OR6N1: variants seen among roughly 807,000 people sequenced by gnomAD.
OR6N1 encodes the protein olfactory receptor family 6 subfamily N member 1.
For synonymous variants in OR6N1, 170 were observed against 150.7 expected, an observed-to-expected ratio of 1.13 and a Z score of -0.94; for missense variants, 394 against 371.7, an observed-to-expected ratio of 1.06 and a Z score of -0.49.
chr1:158,781,582 C>G, the OR6N1 span, among the ~76,000 whole-genome samples: 2 of 152,220 alleles, frequency 1.3e-5, no homozygotes, highest in Admixed American at 6.5e-5. Context: ...CACATGCACT[C>G]TCACATTTCT....
At chr1:158,827,143 C>T in the OR6N1 span, among the ~76,000 whole-genome samples, 1 of 152,110 alleles carries the variant, frequency 6.6e-6, no homozygotes, top group African/African-American at 2.4e-5. Context: ...AAGAGGGATG[C>T]TAGTTAATTC....
Position 158,766,000 on chromosome 1 carries a change from A to G in OR6N1, c.683T>C (p.Ile228Thr). ...CTTCCTCTTGCCGGCAGCTGAGGGAATTCTGAGCACTGTGCAGATGATCTG... is the reference window on the plus strand; with the variant it reads ...CTTCCTCTTGCCGGCAGCTGAGGGAGTTCTGAGCACTGTGCAGATGATCTG... ...YVQIICTVLR[I>T]PSAAGKRKAI... Residue 228 changes from isoleucine to threonine, a missense_variant, in exon 2 of 2, where the codon ATT becomes ACT. By Grantham distance (89) the Ile-to-Thr change is moderately conservative (BLOSUM62 -1). Transcript: ENST00000641846. The G allele has an allele frequency of 6.2e-7, 1 of 1,614,202 alleles. No homozygotes were observed. The highest frequency in any genetic ancestry group is 1.6e-4 in the Middle Eastern group (1 of 6,062).
At chr1:158,837,838 G>A in the OR6N1 span, among the ~76,000 whole-genome samples, 39 of 142,998 alleles carry the variant, frequency 2.7e-4, no homozygotes, top group African/African-American at 9.3e-4. Flanking sequence ...TTTCTGTAGT[G>A]AAACATTTTT....
At chr1:158,797,721 T>G in the OR6N1 span, among the ~76,000 whole-genome samples, 1 of 152,192 alleles carries the variant, frequency 6.6e-6, no homozygotes, top group Non-Finnish European at 1.5e-5. Context: ...TATATGTTAA[T>G]GAATGATATT....
intron 1 of OR6N1, among the ~76,000 whole-genome samples, chr1:158,767,772 T>A (rs1657315313): frequency 6.6e-6 from 1 of 152,228 alleles, no homozygotes; most frequent in South Asian, 2.1e-4. Context: ...TTTCTTTCTA[T>A]GTCCCTAAAA....
the OR6N1 span, among the ~76,000 whole-genome samples, chr1:158,813,324 T>C: frequency 5.1e-3 from 774 of 152,250 alleles, 3 homozygotes; most frequent in African/African-American, 0.018. Flanking sequence ...AGTTGTTCAC[T>C]GTAGTTCTGC....
At chr1:158,794,643 G>A in the OR6N1 span, among the ~76,000 whole-genome samples, 1 of 152,188 alleles carries the variant, frequency 6.6e-6, no homozygotes. Flanking sequence ...AATAGCCTTA[G>A]TGTGTTGGCT....
chr1:158,813,697 C>CTTT, the OR6N1 span, among the ~76,000 whole-genome samples: 1,458 of 78,626 alleles, frequency 0.019, 32 homozygotes, highest in African/African-American at 0.031. Context: ...TATGTATGGT[C>CTTT]TTTTTTTTTT....
At chr1:158,798,827 A>G in the OR6N1 span, among the ~76,000 whole-genome samples, 1 of 152,178 alleles carries the variant, frequency 6.6e-6, no homozygotes, top group Non-Finnish European at 1.5e-5. Flanking sequence ...TTTTCCTTAC[A>G]GTGCTTTTAC....
chr1:158,778,126 AG>A, the OR6N1 span, among the ~76,000 whole-genome samples: 2 of 152,238 alleles, frequency 1.3e-5, no homozygotes, highest in Non-Finnish European at 2.9e-5. Flanking sequence ...AGATTAATGT[AG>A]TAGCAAATAT....
At chr1:158,788,463 C>T in the OR6N1 span, among the ~76,000 whole-genome samples, 1 of 151,930 alleles carries the variant, frequency 6.6e-6, no homozygotes, top group East Asian at 1.9e-4. Context: ...TTTTTAATAT[C>T]TTTACTATTT....
chr1:158,820,245 C>T, the OR6N1 span, among the ~76,000 whole-genome samples: 1 of 152,212 alleles, frequency 6.6e-6, no homozygotes, highest in Non-Finnish European at 1.5e-5. Context: ...CAACAACCTT[C>T]CAGCGTGGGC....
chr1:158,776,836 G>A, upstream of OR6N1: 1 of 1,614,150 alleles, frequency 6.2e-7, no homozygotes, highest in Non-Finnish European at 8.5e-7. Flanking sequence ...AAGGGTCAGG[G>A]AATAGCTCTT....
rs563675554 is a variant in OR6N1, at chr1:158,766,473, C to T, written c.210G>A (p.Glu70=). Reference sequence around the variant, plus strand: ...GGATGGTGGCAGCTGTATAGCCAAGCTCTGAGAAGGAGAGAATGCTGACAA... The same window carrying T: ...GGATGGTGGCAGCTGTATAGCCAAGTTCTGAGAAGGAGAGAATGCTGACAA... ...YHFVSILSFS[E]LGYTAATIPK... is the part of the protein sequence containing the mutation. The change falls in exon 2 of 2, where the codon GAG becomes GAA. Residue 70 remains glutamate, a synonymous_variant. Transcript: ENST00000641846. The T allele has an allele frequency of 7.4e-6, 12 of 1,614,006 alleles. No homozygotes were observed. Among genetic ancestry groups the T allele is most frequent in the African/African-American group, 1.3e-5 (1 of 74,896 alleles).
At chr1:158,807,788 ACT>A in the OR6N1 span, among the ~76,000 whole-genome samples, 2 of 151,832 alleles carry the variant, frequency 1.3e-5, no homozygotes, top group African/African-American at 4.9e-5. Flanking sequence ...TCTGTATTGC[ACT>A]GTCTCTCTAA....
At chr1:158,797,914 T>G in the OR6N1 span, among the ~76,000 whole-genome samples, 3 of 152,244 alleles carry the variant, frequency 2.0e-5, no homozygotes, top group East Asian at 5.8e-4. Flanking sequence ...GCCACTGATG[T>G]TTTCTTTCTA....
the OR6N1 span, among the ~76,000 whole-genome samples, chr1:158,840,130 G>A: frequency 6.6e-6 from 1 of 152,162 alleles, no homozygotes; most frequent in East Asian, 1.9e-4. Flanking sequence ...CCCAGTAGAG[G>A]TAATATCAAC....
chr1:158,807,286 GTAAC>G, the OR6N1 span, among the ~76,000 whole-genome samples: 1 of 152,200 alleles, frequency 6.6e-6, no homozygotes, highest in Non-Finnish European at 1.5e-5. Flanking sequence ...GAAGGCAGCT[GTAAC>G]TATTTCTGGC....
chr1:158,797,241 G>A, the OR6N1 span, among the ~76,000 whole-genome samples: 8 of 152,154 alleles, frequency 5.3e-5, no homozygotes, highest in Non-Finnish European at 8.8e-5. Flanking sequence ...TGTTGAGGCA[G>A]GAACAGGTCT....
Sources: allele counts gnomAD v4.1 joint callset (sites outside exome capture counted in the v4.1 genomes callset), GRCh38; gene constraint gnomAD v4.1.1; transcripts MANE v1.5; gene names NCBI Gene and HGNC (gene_info 2026-07-23, HGNC 2026-07-21).